GPHN: variants seen among roughly 807,000 people sequenced by gnomAD.
The protein encoded by GPHN is gephyrin.
A neutral mutation model predicts 95.5 loss-of-function variants in GPHN; 17 were observed. The observed-to-expected ratio is 0.18, with a 90% CI of 0.12 to 0.27. The LOEUF (loss-of-function observed/expected upper bound fraction) is 0.27. GPHN is among the 10% of genes least tolerant of loss of function. The probability of loss-of-function intolerance (pLI) is 1.00; values close to 1 mark genes in which losing one functional copy is unlikely to be tolerated. For missense variants in GPHN, 660 were observed against 978.1 expected, an observed-to-expected ratio of 0.67 and a Z score of 4.34; for synonymous variants, 320 against 322.5, an observed-to-expected ratio of 0.99 and a Z score of 0.08.
At chr14:67,249,944 TTAGA>T in the GPHN span, among the ~76,000 whole-genome samples, 1 of 152,234 alleles carries the variant, frequency 6.6e-6, no homozygotes, top group South Asian at 2.1e-4. Context: ...GTATCCATAT[TTAGA>T]TACTCATTTT....
At chr14:67,026,830 G>T (rs1050179569) in intron 10 of GPHN, among the ~76,000 whole-genome samples, 1 of 152,140 alleles carries the variant, frequency 6.6e-6, no homozygotes, top group Non-Finnish European at 1.5e-5. Flanking sequence ...TTTTAGTAGA[G>T]ATGGGGTTTC....
At chr14:66,725,318 T>A (rs1263568243) in intron 2 of GPHN, among the ~76,000 whole-genome samples, 2 of 152,248 alleles carry the variant, frequency 1.3e-5, no homozygotes, top group Non-Finnish European at 2.9e-5. Flanking sequence ...TGTATGTAAT[T>A]GCTTTCTTCA....
intron 17 of GPHN, among the ~76,000 whole-genome samples, chr14:67,129,799 A>AGAGG (rs201760439): frequency 0.024 from 3,139 of 132,544 alleles, 50 homozygotes; most frequent in African/African-American, 0.039. Context: ...AGAGAGAGGG[A>AGAGG]GAGGGAGGGA....
chr14:67,113,325 G>A (rs1366445685), intron 16 of GPHN, among the ~76,000 whole-genome samples, 154 bp downstream of exon 16: 1 of 152,130 alleles, frequency 6.6e-6, no homozygotes, highest in East Asian at 1.9e-4. Flanking sequence ...ATTGGCTTTA[G>A]GATAGTTTCA....
At chr14:66,961,635 T>A (rs1955387503) in intron 8 of GPHN, among the ~76,000 whole-genome samples, 1 of 151,384 alleles carries the variant, frequency 6.6e-6, no homozygotes, top group African/African-American at 2.4e-5. Context: ...AGAAAAAATC[T>A]AAATGACTGA....
At chr14:66,544,483 G>A (rs2140097231) in intron 1 of GPHN, among the ~76,000 whole-genome samples, 1 of 152,186 alleles carries the variant, frequency 6.6e-6, no homozygotes, top group African/African-American at 2.4e-5. Context: ...TTTGTTTACC[G>A]ATATATTTCA....
intron 21 of GPHN, among the ~76,000 whole-genome samples, chr14:67,177,346 AT>A (rs1159467148): frequency 6.6e-6 from 1 of 152,200 alleles, no homozygotes; most frequent in Non-Finnish European, 1.5e-5. Flanking sequence ...CCCAGTAGTC[AT>A]TCAGGAGCAG....
intron 4 of GPHN, among the ~76,000 whole-genome samples, chr14:66,833,729 A>G (rs935842762): frequency 4.6e-5 from 7 of 151,704 alleles, no homozygotes; most frequent in Non-Finnish European, 7.4e-5. Context: ...TTTACTTATT[A>G]AATTTAAACT....
intron 1 of GPHN, among the ~76,000 whole-genome samples, chr14:66,582,878 A>C (rs1418956366): frequency 1.3e-5 from 2 of 152,190 alleles, no homozygotes; most frequent in African/African-American, 4.8e-5. Context: ...AGCATGATTT[A>C]TAATCCTTTG....
chr14:67,244,043 T>C, the GPHN span, among the ~76,000 whole-genome samples: 1 of 152,342 alleles, frequency 6.6e-6, no homozygotes, highest in Non-Finnish European at 1.5e-5. Context: ...TGTCTCATTG[T>C]TAGATAAACC....
At chr14:67,122,474 T>A in intron 17 of GPHN, 97 bp downstream of exon 17, 2 of 1,023,596 alleles carry the variant, frequency 2.0e-6, no homozygotes, top group Non-Finnish European at 3.0e-6. Flanking sequence ...GACAGAAATT[T>A]AATGTCATAA....
chr14:66,843,494 A>G (rs947695263), intron 4 of GPHN, among the ~76,000 whole-genome samples: 1 of 152,088 alleles, frequency 6.6e-6, no homozygotes, highest in African/African-American at 2.4e-5. Flanking sequence ...TGCCTCCTCT[A>G]CCTATTTGCT....
the GPHN span, among the ~76,000 whole-genome samples, chr14:67,563,958 G>A: frequency 6.7e-6 from 1 of 149,862 alleles, no homozygotes; most frequent in Non-Finnish European, 1.5e-5. Context: ...CTGGAGTGCA[G>A]TGGCACAATC....
the GPHN span, among the ~76,000 whole-genome samples, chr14:67,628,979 A>G: frequency 2.3e-4 from 35 of 152,366 alleles, no homozygotes; most frequent in South Asian, 1.0e-3. Flanking sequence ...CCAAGTGTCC[A>G]TTGATGGATG....
chr14:66,528,660 G>C (rs1044790031), intron 1 of GPHN, among the ~76,000 whole-genome samples: 1 of 152,138 alleles, frequency 6.6e-6, no homozygotes, highest in South Asian at 2.1e-4. Flanking sequence ...CAGGCCTCGT[G>C]GTGACAGAAT....
the GPHN span, among the ~76,000 whole-genome samples, chr14:67,401,605 G>A: frequency 6.6e-6 from 1 of 152,140 alleles, no homozygotes; most frequent in Non-Finnish European, 1.5e-5. Context: ...GTGAGGAGGT[G>A]CCATCTGCAA....
intron 3 of GPHN, among the ~76,000 whole-genome samples, chr14:66,788,056 G>T (rs1199443967): frequency 6.6e-6 from 1 of 152,334 alleles, no homozygotes; most frequent in Non-Finnish European, 1.5e-5. Context: ...CAGGCCGGGT[G>T]CAGTGGCACA....
At position 66,725,795 on chromosome 14, in the gene GPHN, T is replaced by G. The variant is rs141048848; in HGVS notation, c.143+44610T>G. Among the ~76,000 whole-genome samples the G allele has an allele frequency of 3.0e-3, 456 of 152,358 alleles. 3 individuals carry two copies. Among genetic ancestry groups the G allele is most frequent in the African/African-American group, 0.011 (438 of 41,576 alleles). On this transcript the variant is annotated intron_variant, in intron 2 of 22. Coordinates refer to ENST00000478722, the MANE Select transcript of GPHN (RefSeq NM_020806.5). Reference sequence around the variant, plus strand: ...TTAAAATTCCACTAATGCTTCAGCTTTTTTAACAAGAAAATATTTCTGTTT... The same window carrying G: ...TTAAAATTCCACTAATGCTTCAGCTGTTTTAACAAGAAAATATTTCTGTTT...
At chr14:67,026,627 A>G (rs1434938116) in intron 10 of GPHN, among the ~76,000 whole-genome samples, 1 of 151,944 alleles carries the variant, frequency 6.6e-6, no homozygotes, top group East Asian at 1.9e-4. Flanking sequence ...TTTATAGCCC[A>G]CATTTTTTTT....
Sources: gnomAD v4.1 joint callset for allele counts (sites outside exome capture counted in the v4.1 genomes callset) on GRCh38, gnomAD v4.1.1 for gene constraint, MANE v1.5 for transcripts, NCBI Gene and HGNC (gene_info 2026-07-23, HGNC 2026-07-21) for gene names.